Variants in UNC93A observed in about 807,000 individuals in gnomAD.
The protein encoded by UNC93A is unc-93 homolog A.
A neutral mutation model predicts 47.5 loss-of-function variants in UNC93A; 43 were observed. The observed-to-expected ratio is 0.91, with a 90% CI of 0.71 to 1.17. The LOEUF (loss-of-function observed/expected upper bound fraction) is 1.17. Among genes scored for constraint, UNC93A ranks in the 50% most tolerant of loss-of-function variants. UNC93A has a pLI of 0.00. For missense variants in UNC93A, 605 were observed against 577.6 expected, an observed-to-expected ratio of 1.05 and a Z score of -0.49; for synonymous variants, 280 against 258.0, an observed-to-expected ratio of 1.09 and a Z score of -0.82.
intron 7 of UNC93A, among the ~76,000 whole-genome samples, chr6:167,309,909 T>C (rs62438506): frequency 0.033 from 4,959 of 150,488 alleles, 129 homozygotes; most frequent in Non-Finnish European, 0.044. Flanking sequence ...CACTCTGGCT[T>C]GTTGGGATCA....
chr6:167,273,896 G>GCAGC (rs1037989356), intron 1 of UNC93A, among the ~76,000 whole-genome samples: 1 of 152,054 alleles, frequency 6.6e-6, no homozygotes, highest in African/African-American at 2.4e-5. Flanking sequence ...CTATGCTGAT[G>GCAGC]CAGCCTCCAG....
chr6:167,312,618 G>A (rs13209793), intron 7 of UNC93A, among the ~76,000 whole-genome samples: 37,610 of 152,060 alleles, frequency 0.25, 4,766 homozygotes, highest in South Asian at 0.32. Context: ...CGTAGCTGTC[G>A]CTCCATTCTC....
intron 1 of UNC93A, among the ~76,000 whole-genome samples, chr6:167,276,298 G>T (rs564220829): frequency 1.3e-5 from 2 of 150,850 alleles, no homozygotes; most frequent in Non-Finnish European, 2.9e-5. Flanking sequence ...TATTGTGACA[G>T]TATTGGGATG....
rs1051944252 is a variant in UNC93A at position 167,315,581 on chromosome 6, T to C, written c.*129T>C. 28 of 1,288,426 alleles carry C rather than the reference T, an allele frequency of 2.2e-5. No homozygotes were observed. In the South Asian group the frequency reaches 2.8e-4, roughly 13 times the overall value. 79.8% of individuals were successfully genotyped at this position (1,288,426 alleles called of 1,614,324 possible). On this transcript the variant is annotated 3_prime_UTR_variant, in exon 8 of 8. Coordinates refer to ENST00000230256, the MANE Select transcript of UNC93A (RefSeq NM_018974.4). ...CAATTTGGCCATTCTGAAGAGATCA[T>C]GTTATTTCACTCTTCATGTATTTTT...
At chr6:167,300,708 C>G (rs868486941) in intron 4 of UNC93A, among the ~76,000 whole-genome samples, 2 of 152,130 alleles carry the variant, frequency 1.3e-5, no homozygotes, top group Admixed American at 6.5e-5. Context: ...GTCCCAGGGA[C>G]CAGCCAGGCC....
chr6:167,275,590 AT>A (rs1783526087), intron 1 of UNC93A, among the ~76,000 whole-genome samples: 1 of 152,218 alleles, frequency 6.6e-6, no homozygotes, highest in Admixed American at 6.5e-5. Flanking sequence ...GCGTGTGTTC[AT>A]TGGCAGCATC....
rs1420057208 is a variant in UNC93A at position 167,278,462 on chromosome 6, G to A, written c.-52+7004G>A. On this transcript the variant is annotated intron_variant, in intron 1 of 3. Transcript: ENST00000503433. ...ACTCCATGGCCAAAATGGCGCTGCT[G>A]GGATCATGAGGACCCACGGCCTGCC... Among the ~76,000 whole-genome samples the A allele has an allele frequency of 5.3e-5, 8 of 152,308 alleles. No homozygotes were observed. In the East Asian group the frequency reaches 1.5e-3, roughly 29 times the overall value.
Position 167,291,432 on chromosome 6 carries a change from CT to C in UNC93A, c.-54del. ...GTTTTTCCCATGCCTCAATTGGTTT[CT>C]TTTAGGGAGCTACAAATTTACGTGT... On this transcript the variant is annotated 5_prime_UTR_variant, in exon 1 of 8. An upstream open reading frame in the 5' UTR loses its in-frame stop. Transcript: ENST00000230256. The C allele has an allele frequency of 1.3e-6, 2 of 1,538,462 alleles. No individual in the cohort carries two copies. Among genetic ancestry groups the C allele is most frequent in the South Asian group, 2.3e-5 (2 of 86,044 alleles).
At chr6:167,295,131 G>A (rs998886378) in intron 2 of UNC93A, among the ~76,000 whole-genome samples, 5 of 152,160 alleles carry the variant, frequency 3.3e-5, no homozygotes, top group Non-Finnish European at 7.3e-5. Context: ...GCAGGTCACA[G>A]GGATGGGAGG....
chr6:167,303,449 C>T (rs1003382714), intron 4 of UNC93A, among the ~76,000 whole-genome samples: 1 of 151,874 alleles, frequency 6.6e-6, no homozygotes, highest in Non-Finnish European at 1.5e-5. Flanking sequence ...TTAACCAGTT[C>T]TTATTGGAGG....
rs1394953657 is a variant in UNC93A at position 167,307,870 on chromosome 6, G to A, written c.1068G>A (p.Leu356=). Residue 356 remains leucine, a synonymous_variant, in exon 7 of 8, where the codon CTG becomes CTA. Coordinates refer to ENST00000230256, the MANE Select transcript of UNC93A (RefSeq NM_018974.4). Reference sequence around the variant, plus strand: ...CAGTGTTCTTCGTATTCTCTGGCCTGTGGGGCGTGGCAGATGCCGTCTGGC... The same window carrying A: ...CAGTGTTCTTCGTATTCTCTGGCCTATGGGGCGTGGCAGATGCCGTCTGGC... ...HLAVFFVFSG[L]WGVADAVWQT... The A allele has an allele frequency of 5.6e-6, 9 of 1,613,888 alleles. No individual in the cohort carries two copies. The African/African-American group carries it at 1.2e-4, about 22-fold the overall frequency.
rs79948598 is a variant in UNC93A, at chr6:167,307,793, G to C, written c.991G>C (p.Val331Leu). The change falls in exon 7 of 8, where the codon GTG becomes CTG. Residue 331 changes from valine (V) to leucine (L), a missense_variant. Physicochemically the swap from Val to Leu is conservative, Grantham distance 32 (BLOSUM62 1). Transcript: ENST00000230256. ...VLYVLGAVTH[V>L]SCMIALLLWR... ...TGCACCCCCAGGCGCGGTGACCCAC[G>C]TGTCCTGCATGATTGCCCTACTGCT... The C allele has an allele frequency of 3.1e-6, 5 of 1,593,574 alleles. No individual in the cohort carries two copies. Among genetic ancestry groups the C allele is most frequent in the Middle Eastern group, 3.3e-4 (2 of 6,024 alleles).
chr6:167,310,929 G>C (rs1583095760), intron 7 of UNC93A, among the ~76,000 whole-genome samples: 1 of 152,190 alleles, frequency 6.6e-6, no homozygotes, highest in East Asian at 1.9e-4. Flanking sequence ...AGAAGCTCCT[G>C]TGGACTTTAT....
chr6:167,276,379 C>G (rs1783543742), intron 1 of UNC93A, among the ~76,000 whole-genome samples: 1 of 152,148 alleles, frequency 6.6e-6, no homozygotes, highest in African/African-American at 2.4e-5. Flanking sequence ...AGTGGGTTAG[C>G]TGGCTCATAT....
chr6:167,315,241 G>A lies in UNC93A; in HGVS notation c.1163G>A (p.Arg388His), dbSNP rs200775978. The A allele has an allele frequency of 3.0e-5, 49 of 1,613,754 alleles. No homozygotes were observed. The highest frequency in any genetic ancestry group is 1.7e-4 in the Middle Eastern group (1 of 5,984). Residue 388 changes from arginine (R) to histidine (H), a missense_variant, in exon 8 of 8, where the codon CGC becomes CAC. Transcript: ENST00000230256. ...KSKEAAFANY[R>H]LWEALGFVIA... ...AAGGAAGCTGCCTTCGCCAATTACC[G>A]CCTGTGGGAGGCCCTGGGCTTCGTC...
At chr6:167,286,419 A>G (rs1783733839), upstream of UNC93A, among the ~76,000 whole-genome samples, 1 of 152,222 alleles carries the variant, frequency 6.6e-6, no homozygotes, top group South Asian at 2.1e-4. Context: ...ACAAACGGGG[A>G]AAATGCCTCA....
chr6:167,294,603 A>T lies in UNC93A; in HGVS notation c.174A>T (p.Pro58=), dbSNP rs1248341970. 2 of 1,613,700 alleles carry T rather than the reference A, an allele frequency of 1.2e-6. No homozygotes were observed. The highest frequency in any genetic ancestry group is 2.2e-5 in the East Asian group (1 of 44,862). Residue 58 remains proline (P), a synonymous_variant, in exon 2 of 8, where the codon CCA becomes CCT. Transcript: ENST00000230256. The stretch of plus-strand genomic sequence containing the variant: ...TGCTCCTGTCCTCCATGTTCCTCCC[A>T]CCGCTCCTCATCGAGAGGCTGGGCT... ...GGMLLSSMFL[P]PLLIERLGCK...
At chr6:167,285,970 A>C (rs1469929440) in intron 1 of UNC93A, among the ~76,000 whole-genome samples, 6 of 142,460 alleles carry the variant, frequency 4.2e-5, no homozygotes, top group African/African-American at 1.6e-4. Flanking sequence ...CTATATATAT[A>C]TATATATATA....
chr6:167,284,993 C>A (rs905102291), intron 1 of UNC93A, among the ~76,000 whole-genome samples: 2 of 152,188 alleles, frequency 1.3e-5, no homozygotes, highest in Admixed American at 1.3e-4. Flanking sequence ...ATAATCCTCT[C>A]CAGTTCTCAA....
Sources: gnomAD v4.1 joint callset for allele counts (sites outside exome capture counted in the v4.1 genomes callset) on GRCh38, gnomAD v4.1.1 for gene constraint, MANE v1.5 for transcripts, NCBI Gene and HGNC (gene_info 2026-07-23, HGNC 2026-07-21) for gene names.